ROBO1: variants seen among roughly 807,000 people sequenced by gnomAD.
The protein encoded by ROBO1 is roundabout guidance receptor 1.
Under a neutral mutation model 195.9 loss-of-function variants are expected in ROBO1, and 149 were observed. The observed-to-expected ratio is 0.76, with a 90% CI of 0.67 to 0.87. ROBO1 has a LOEUF of 0.87. ROBO1 is among the 40% of genes least tolerant of loss of function. The pLI is 0.00. For synonymous variants in ROBO1, 816 were observed against 733.2 expected, an observed-to-expected ratio of 1.11 and a Z score of -1.82; for missense variants, 1,933 against 2,068.3, an observed-to-expected ratio of 0.93 and a Z score of 1.27.
chr3:79,386,522 T>G (rs2036753071), intron 2 of ROBO1, among the ~76,000 whole-genome samples: 1 of 152,142 alleles, frequency 6.6e-6, no homozygotes, highest in Non-Finnish European at 1.5e-5. Context: ...TCAGTTATTG[T>G]GCTAAATGCA....
At chr3:79,399,576 G>T (rs1424999567) in intron 2 of ROBO1, among the ~76,000 whole-genome samples, 2 of 152,042 alleles carry the variant, frequency 1.3e-5, no homozygotes, top group African/African-American at 4.8e-5. Context: ...AAAATCAAAA[G>T]CGATCATGCC....
At position 79,744,876 on chromosome 3, in the gene ROBO1, TA is replaced by T. The variant is rs1209528359; in HGVS notation, c.-51+22875del. On this transcript the variant is annotated intron_variant, in intron 1 of 30. Transcript: ENST00000464233. ...AGTGATGAATGATAAAAAATTACAATATTTTGGATCATATATATACATATGG... is the reference window on the plus strand; with the variant it reads ...AGTGATGAATGATAAAAAATTACAATTTTTGGATCATATATATACATATGG... Among the ~76,000 whole-genome samples the T allele has an allele frequency of 2.4e-4, 37 of 152,052 alleles. 1 individual carries two copies. The highest frequency in any genetic ancestry group is 8.9e-4 in the African/African-American group (37 of 41,384).
chr3:79,413,138 C>T (rs1245762015), intron 2 of ROBO1, among the ~76,000 whole-genome samples: 1 of 151,626 alleles, frequency 6.6e-6, no homozygotes, highest in Non-Finnish European at 1.5e-5. Flanking sequence ...TCAGACATTA[C>T]TAAACACATA....
At chr3:79,309,556 T>A (rs115745113) in intron 2 of ROBO1, among the ~76,000 whole-genome samples, 8,639 of 152,140 alleles carry the variant, frequency 0.057, 352 homozygotes, top group African/African-American at 0.12. Context: ...CAGTAAGCCA[T>A]GATAGCACCA....
intron 2 of ROBO1, among the ~76,000 whole-genome samples, chr3:79,399,949 A>C (rs1035956139): frequency 4.6e-5 from 7 of 152,158 alleles, no homozygotes; most frequent in African/African-American, 1.7e-4. Context: ...ATTCGCTCAC[A>C]CTAGACCCTT....
intron 2 of ROBO1, among the ~76,000 whole-genome samples, chr3:79,558,939 TA>T (rs548754812): frequency 9.9e-4 from 151 of 152,234 alleles, no homozygotes; most frequent in Non-Finnish European, 1.7e-3. Flanking sequence ...ATATACCAAA[TA>T]AATAAAATAA....
chr3:78,675,084 G>C lies in ROBO1; in HGVS notation c.1343-4783C>G, dbSNP rs181854142. On this transcript the variant is annotated intron_variant, in intron 10 of 30. Coordinates refer to ENST00000464233, the MANE Select transcript of ROBO1 (RefSeq NM_002941.4). ...GAGGTAAGAGTTTGAGCTTTTGAGA[G>C]AGACAATCCTAGTGCTCAATACTCA... is the stretch of plus-strand genomic sequence containing the variant. Among the ~76,000 whole-genome samples, 197 of 151,932 alleles carry C rather than the reference G, an allele frequency of 1.3e-3. 2 individuals are homozygous for C. Among genetic ancestry groups the C allele is most frequent in the African/African-American group, 4.3e-3 (179 of 41,432 alleles).
chr3:79,042,467 A>G (rs771022236), intron 3 of ROBO1, among the ~76,000 whole-genome samples: 1 of 152,184 alleles, frequency 6.6e-6, no homozygotes, highest in African/African-American at 2.4e-5. Context: ...CCACGGCGCA[A>G]AAACCCTGGT....
chr3:78,886,147 T>C (rs1403231765), intron 4 of ROBO1, among the ~76,000 whole-genome samples: 1 of 151,696 alleles, frequency 6.6e-6, no homozygotes, highest in Non-Finnish European at 1.5e-5. Context: ...GAGTTAAACA[T>C]GAGTAATCAA....
rs73850730 is a variant in ROBO1 at position 78,621,860 on chromosome 3, T to C, written c.3876-3819A>G. ...GTAGGTGTTTATACCATTCACCATA[T>C]AGCATTTACCAGGCAAAAGACAAAG... On this transcript the variant is annotated intron_variant, in intron 26 of 30. Coordinates refer to ENST00000464233, the MANE Select transcript of ROBO1 (RefSeq NM_002941.4). Among the ~76,000 whole-genome samples the C allele has an allele frequency of 3.8e-3, 580 of 152,304 alleles. 2 individuals are homozygous for C. The highest frequency in any genetic ancestry group is 0.012 in the African/African-American group (517 of 41,562).
chr3:79,611,853 A>T (rs1415671583), intron 1 of ROBO1, among the ~76,000 whole-genome samples: 1 of 152,030 alleles, frequency 6.6e-6, no homozygotes, highest in African/African-American at 2.4e-5. Flanking sequence ...AAACCTGCGC[A>T]TTCTGCATAT....
rs545825380 is a variant in ROBO1, at chr3:78,965,598, CTTT to C, written c.173-26674_173-26672del. On this transcript the variant is annotated intron_variant, in intron 3 of 30. Transcript: ENST00000464233. The stretch of plus-strand genomic sequence containing the variant: ...TCAAGCCACCTAAGTAATTTATCTT[CTTT>C]AAGTATGTTTATTCATTTCAAAAAA... 1.1e-4 allele frequency among the ~76,000 whole-genome samples: 17 copies of C among 151,100 alleles called. No homozygotes were observed. The South Asian group carries it at 3.4e-3, about 30-fold the overall frequency.
At position 78,661,020 on chromosome 3, in the gene ROBO1, T is replaced by C; in HGVS notation, c.2320+10A>G. Reference sequence around the variant, plus strand: ...CAATGCATGGAAATCAAACGCTTCATCATACTTGCCTTCTTCCAGGGTTTT... The same window carrying C: ...CAATGCATGGAAATCAAACGCTTCACCATACTTGCCTTCTTCCAGGGTTTT... On this transcript the variant is annotated intron_variant, in intron 16 of 30. Transcript: ENST00000464233. 1 of 1,591,832 alleles carries C rather than the reference T, an allele frequency of 6.3e-7. No homozygotes were observed. Among genetic ancestry groups the C allele is most frequent in the Non-Finnish European group, 8.6e-7 (1 of 1,162,544 alleles).
At chr3:78,746,258 T>C (rs2082654057) in intron 5 of ROBO1, among the ~76,000 whole-genome samples, 2 of 152,190 alleles carry the variant, frequency 1.3e-5, no homozygotes, top group South Asian at 4.1e-4. Flanking sequence ...AATTCATCAT[T>C]AACCACCTTT....
chr3:78,961,872 G>T (rs769795985), intron 3 of ROBO1, among the ~76,000 whole-genome samples: 8 of 151,646 alleles, frequency 5.3e-5, no homozygotes, highest in Admixed American at 1.3e-4. Context: ...TAGTTGGGAG[G>T]AGAGAAGGCA....
chr3:79,084,433 G>C (rs764943211), intron 3 of ROBO1, among the ~76,000 whole-genome samples: 1 of 152,184 alleles, frequency 6.6e-6, no homozygotes, highest in Non-Finnish European at 1.5e-5. Flanking sequence ...AGGAGGCAGA[G>C]GTTGCAGTGA....
At chr3:79,432,933 G>A (rs554506401) in intron 2 of ROBO1, among the ~76,000 whole-genome samples, 3 of 152,184 alleles carry the variant, frequency 2.0e-5, no homozygotes, top group Admixed American at 2.0e-4. Flanking sequence ...TGTTTCCTAA[G>A]GATTAATATA....
chr3:79,014,595 C>A (rs760748131), intron 3 of ROBO1, among the ~76,000 whole-genome samples: 5 of 152,210 alleles, frequency 3.3e-5, no homozygotes, highest in Admixed American at 2.0e-4. Flanking sequence ...CTTAAACTAG[C>A]TTAATTCTGC....
Position 78,641,785 on chromosome 3 carries a change from T to A in ROBO1, c.2883-1887A>T, listed in dbSNP as rs549324513. The stretch of plus-strand genomic sequence containing the variant: ...GACAATATTTTTATGCTGCTCTGAT[T>A]CCCTCTGAAAAACACTTTCATAGTG... On this transcript the variant is annotated intron_variant, in intron 21 of 30. Coordinates refer to ENST00000464233, the MANE Select transcript of ROBO1 (RefSeq NM_002941.4). Among the ~76,000 whole-genome samples, 6 of 152,060 alleles carry A rather than the reference T, an allele frequency of 3.9e-5. No homozygotes were observed. In the South Asian group the frequency reaches 1.0e-3, roughly 26 times the overall value.
Sources: gnomAD v4.1 joint callset for allele counts (sites outside exome capture counted in the v4.1 genomes callset) on GRCh38, gnomAD v4.1.1 for gene constraint, MANE v1.5 for transcripts, NCBI Gene and HGNC (gene_info 2026-07-23, HGNC 2026-07-21) for gene names.